Variants in ASTN2 observed in about 807,000 individuals in gnomAD.
ASTN2 encodes astrotactin-2.
A neutral mutation model predicts 139.8 loss-of-function variants in ASTN2; 54 were observed. The observed-to-expected ratio is 0.39, with a 90% confidence interval of 0.31 to 0.48. ASTN2 has a LOEUF of 0.48. Ranked by LOEUF, ASTN2 falls within the 20% of genes least tolerant of loss-of-function variation. The pLI, the probability that ASTN2 is intolerant of heterozygous loss-of-function variation, is 0.95. For missense variants in ASTN2, 1,565 were observed against 1,725.1 expected (o/e 0.91, Z 1.64); for synonymous variants, 756 against 719.5 (o/e 1.05, Z -0.81).
intron 10 of ASTN2, among the ~76,000 whole-genome samples, chr9:116,874,012 G>T (rs1833232996): frequency 6.6e-6 from 1 of 152,156 alleles, no homozygotes. Context: ...TAGCAATGCA[G>T]AAACAAACGA....
At chr9:117,278,090 TG>T (rs1834237341) in intron 2 of ASTN2, among the ~76,000 whole-genome samples, 1 of 152,214 alleles carries the variant, frequency 6.6e-6, no homozygotes, top group African/African-American at 2.4e-5. Flanking sequence ...AAATCATCTC[TG>T]ACATATGCCC....
chr9:117,408,706 T>C (rs111920241), intron 1 of ASTN2, among the ~76,000 whole-genome samples: 6,206 of 152,148 alleles, frequency 0.041, 420 homozygotes, highest in African/African-American at 0.14. Context: ...TCTGCCTAGG[T>C]TGGTATCACT....
At chr9:116,807,012 T>C (rs968031958) in intron 12 of ASTN2, among the ~76,000 whole-genome samples, 1 of 152,156 alleles carries the variant, frequency 6.6e-6, no homozygotes, top group African/African-American at 2.4e-5. Context: ...AGTAGCAAAG[T>C]TGATATTCAA....
chr9:116,986,188 T>C (rs1390646589), intron 7 of ASTN2, among the ~76,000 whole-genome samples: 1 of 96,540 alleles, frequency 1.0e-5, no homozygotes, highest in Non-Finnish European at 2.0e-5. Context: ...GCAGTCACGT[T>C]TCCTCCTTGA....
intron 3 of ASTN2, among the ~76,000 whole-genome samples, chr9:117,151,579 C>T (rs970962649): frequency 6.6e-6 from 1 of 152,106 alleles, no homozygotes; most frequent in South Asian, 2.1e-4. Flanking sequence ...ATACTGAGAA[C>T]CTGTCTTCTA....
At chr9:116,807,906 T>C (rs1461356795) in intron 12 of ASTN2, among the ~76,000 whole-genome samples, 1 of 150,066 alleles carries the variant, frequency 6.7e-6, no homozygotes, top group Non-Finnish European at 1.5e-5. Context: ...GGTCAGGCGT[T>C]CAAGACCAGC....
intron 16 of ASTN2, among the ~76,000 whole-genome samples, chr9:116,671,635 C>A (rs1859200919): frequency 2.0e-5 from 3 of 152,088 alleles, no homozygotes; most frequent in Admixed American, 2.0e-4. Flanking sequence ...GATGCCACTT[C>A]TGTGATTAGG....
intron 10 of ASTN2, among the ~76,000 whole-genome samples, chr9:116,944,492 C>A (rs1488305189): frequency 6.6e-6 from 1 of 151,562 alleles, no homozygotes; most frequent in Non-Finnish European, 1.5e-5. Context: ...ACCAGCCTGG[C>A]CAACATGGGG....
At chr9:117,310,108 G>A (rs561999539) in intron 1 of ASTN2, among the ~76,000 whole-genome samples, 1 of 152,256 alleles carries the variant, frequency 6.6e-6, no homozygotes, top group East Asian at 1.9e-4. Context: ...ATATATGTAT[G>A]TGTGTACACA....
intron 3 of ASTN2, among the ~76,000 whole-genome samples, chr9:117,178,456 G>A (rs1830972350): frequency 6.6e-6 from 1 of 152,162 alleles, no homozygotes; most frequent in African/African-American, 2.4e-5. Flanking sequence ...GAAGTAGATT[G>A]GTTTCACCCT....
intron 1 of ASTN2, among the ~76,000 whole-genome samples, chr9:117,365,247 GA>G (rs1199812372): frequency 2.8e-5 from 4 of 142,774 alleles, no homozygotes; most frequent in African/African-American, 1.0e-4. Flanking sequence ...GAAAGAAAGA[GA>G]GAGAGAAACA....
At chr9:116,750,771 GC>G (rs1274096283) in intron 13 of ASTN2, among the ~76,000 whole-genome samples, 5 of 152,140 alleles carry the variant, frequency 3.3e-5, no homozygotes, top group African/African-American at 1.2e-4. Flanking sequence ...GTGGACATTA[GC>G]CAGTTTGCTT....
At chr9:116,702,863 G>T (rs952969803) in intron 16 of ASTN2, among the ~76,000 whole-genome samples, 1 of 152,212 alleles carries the variant, frequency 6.6e-6, no homozygotes, top group Non-Finnish European at 1.5e-5. Flanking sequence ...CTCCGGACTT[G>T]AGTCTGTAGA....
At chr9:117,397,460 A>C (rs1312920096) in intron 1 of ASTN2, among the ~76,000 whole-genome samples, 1 of 152,168 alleles carries the variant, frequency 6.6e-6, no homozygotes, top group Admixed American at 6.5e-5. Context: ...CTCTAGAAAA[A>C]TTACTTGGCA....
intron 5 of ASTN2, among the ~76,000 whole-genome samples, chr9:117,075,356 C>A (rs1828251116): frequency 1.3e-5 from 2 of 152,104 alleles, no homozygotes; most frequent in African/African-American, 4.8e-5. Context: ...GCGGCCCAGG[C>A]TGGGGTTTTT....
intron 3 of ASTN2, among the ~76,000 whole-genome samples, chr9:117,212,728 T>C (rs1192765179): frequency 6.6e-6 from 1 of 152,100 alleles, no homozygotes; most frequent in African/African-American, 2.4e-5. Flanking sequence ...AATCAAAAAC[T>C]GCAATGAGGT....
chr9:116,432,550 A>T (rs1199933124), intron 22 of ASTN2, among the ~76,000 whole-genome samples: 1 of 152,224 alleles, frequency 6.6e-6, no homozygotes, highest in Non-Finnish European at 1.5e-5. Flanking sequence ...CTGGGCCAAT[A>T]ACAGGTGCTC....
intron 16 of ASTN2, among the ~76,000 whole-genome samples, chr9:116,695,270 A>G (rs894539977): frequency 3.3e-5 from 5 of 152,192 alleles, no homozygotes; most frequent in African/African-American, 1.2e-4. Context: ...TTACCACTTC[A>G]TAGTGTCATC....
intron 21 of ASTN2, among the ~76,000 whole-genome samples, chr9:116,442,005 A>G (rs1847854583): frequency 6.6e-6 from 1 of 152,250 alleles, no homozygotes. Context: ...TGGATGGAAC[A>G]GCATGCTGTG....
Sources: allele counts gnomAD v4.1 joint callset (sites outside exome capture counted in the v4.1 genomes callset), GRCh38; gene constraint gnomAD v4.1.1; transcripts MANE v1.5; gene names NCBI Gene and HGNC (gene_info 2026-07-23, HGNC 2026-07-21).